The following SWT1 variants were observed in gnomAD, a reference collection of about 807,000 sequenced individuals.
The protein encoded by SWT1 is transcriptional protein SWT1.
In SWT1, 33 loss-of-function variants were observed where a neutral mutation model predicts 107.3. The observed-to-expected ratio is 0.31, with a 90% CI of 0.23 to 0.41. The LOEUF (loss-of-function observed/expected upper bound fraction) is 0.41. Among genes scored for constraint, SWT1 ranks in the 10% least tolerant of loss-of-function variants. The pLI, the probability that SWT1 is intolerant of heterozygous loss-of-function variation, is 1.00. For synonymous variants in SWT1, 345 were observed against 348.3 expected, an observed-to-expected ratio of 0.99 and a Z score of 0.11; for missense variants, 898 against 1,028.9, an observed-to-expected ratio of 0.87 and a Z score of 1.74.
At chr1:185,256,509 T>G (rs1380722573) in intron 16 of SWT1, among the ~76,000 whole-genome samples, 1 of 150,984 alleles carries the variant, frequency 6.6e-6, no homozygotes, top group South Asian at 2.1e-4. Flanking sequence ...TAAACTTGCC[T>G]TCTCGCTTCA....
At chr1:185,170,786 T>C (rs1376611127) in intron 4 of SWT1, among the ~76,000 whole-genome samples, 1 of 152,218 alleles carries the variant, frequency 6.6e-6, no homozygotes, top group African/African-American at 2.4e-5. Flanking sequence ...GCACTGTTTC[T>C]TTCTATAGGA....
At chr1:185,275,935 A>T (rs1173543164) in intron 17 of SWT1, among the ~76,000 whole-genome samples, 1 of 152,214 alleles carries the variant, frequency 6.6e-6, no homozygotes, top group East Asian at 1.9e-4. Flanking sequence ...TAAATTGAAT[A>T]GAAATTAGCC....
At chr1:185,240,779 A>G (rs1661205188) in intron 16 of SWT1, among the ~76,000 whole-genome samples, 1 of 152,126 alleles carries the variant, frequency 6.6e-6, no homozygotes, top group African/African-American at 2.4e-5. Context: ...AAATAATTGC[A>G]GTCATGAAGT....
At chr1:185,267,362 G>T (rs768525153) in intron 16 of SWT1, among the ~76,000 whole-genome samples, 46 of 152,278 alleles carry the variant, frequency 3.0e-4, no homozygotes, top group Non-Finnish European at 6.0e-4. Context: ...CGAATTTAGG[G>T]TGTTAAAGCT....
At chr1:185,192,939 C>T (rs1164020127) in intron 10 of SWT1, among the ~76,000 whole-genome samples, 3 of 152,064 alleles carry the variant, frequency 2.0e-5, no homozygotes, top group East Asian at 1.9e-4. Context: ...TGAGCCACCG[C>T]GCCTGGCCCA....
chr1:185,158,153 T>G (rs1264009068), intron 1 of SWT1, among the ~76,000 whole-genome samples: 5 of 152,194 alleles, frequency 3.3e-5, no homozygotes, highest in Non-Finnish European at 5.9e-5. Flanking sequence ...TTGGTCTATT[T>G]GTTTCCTACT....
In SWT1 at chr1:185,175,916, T is replaced by C. The variant is rs573747959; in HGVS notation, c.966+803T>C. 2.6e-5 allele frequency among the ~76,000 whole-genome samples: 4 copies of C among 152,284 alleles called. No homozygotes were observed. In the East Asian group the frequency reaches 7.7e-4, roughly 29 times the overall value. On this transcript the variant is annotated intron_variant, in intron 5 of 18. Coordinates refer to ENST00000367500, the MANE Select transcript of SWT1 (RefSeq NM_017673.7). ...ATTTCCTTAAATAGGAAAAGTATAA[T>C]ACCTATCACTTAATAAGAGAATACA...
At chr1:185,249,193 G>A (rs373475486) in intron 16 of SWT1, among the ~76,000 whole-genome samples, 4 of 152,152 alleles carry the variant, frequency 2.6e-5, no homozygotes, top group East Asian at 3.9e-4. Context: ...GAGCTTTGTC[G>A]CAGGCTGCAG....
chr1:185,188,621 A>G (rs1032438555), intron 9 of SWT1, among the ~76,000 whole-genome samples: 3 of 152,230 alleles, frequency 2.0e-5, no homozygotes, highest in African/African-American at 7.2e-5. Context: ...TTAGCATGGC[A>G]CAAATTAAAC....
Position 185,168,383 on chromosome 1 carries a change from G to A in SWT1, c.209G>A (p.Arg70Lys). The change falls in exon 4 of 19, where the codon AGA becomes AAA. Residue 70 changes from arginine to lysine, a missense_variant. Transcript: ENST00000367500. ...GTTCTGTACTATAATATAAAAAGAA[G>A]ACAAGGACTGAAAAGGTAAATTTCT... ...TDVLYYNIKRRQGLKRLSVEI... is the reference protein window; with the variant it reads ...TDVLYYNIKRKQGLKRLSVEI... The A allele has an allele frequency of 3.6e-6, 5 of 1,381,148 alleles. No homozygotes were observed. Among genetic ancestry groups the A allele is most frequent in the Non-Finnish European group, 4.9e-6 (5 of 1,028,576 alleles). 85.6% of individuals were successfully genotyped at this position (1,381,148 alleles called of 1,614,324 possible).
At chr1:185,185,337 T>TA (rs1351471682) in intron 9 of SWT1, among the ~76,000 whole-genome samples, 8 of 152,188 alleles carry the variant, frequency 5.3e-5, no homozygotes, top group African/African-American at 1.9e-4. Flanking sequence ...GAATCGGTAA[T>TA]AATGAATGAG....
chr1:185,256,889 GT>G (rs916554330), intron 16 of SWT1, among the ~76,000 whole-genome samples: 2 of 152,114 alleles, frequency 1.3e-5, no homozygotes, highest in Non-Finnish European at 2.9e-5. Context: ...TTTCTGTTCT[GT>G]TTTTTCCCCA....
chr1:185,226,838 G>T, intron 15 of SWT1: 1 of 1,527,160 alleles, frequency 6.5e-7, no homozygotes, highest in African/African-American at 1.4e-5. Context: ...GAGCTCTGAG[G>T]AAGCTTGCCT....
intron 16 of SWT1, among the ~76,000 whole-genome samples, chr1:185,237,282 C>T (rs113272522): frequency 0.023 from 3,541 of 152,178 alleles, 125 homozygotes; most frequent in African/African-American, 0.08. Flanking sequence ...TTCACAATAG[C>T]AAAGACTTGA....
At chr1:185,164,518 C>T (rs1271232683) in intron 2 of SWT1, among the ~76,000 whole-genome samples, 1 of 152,198 alleles carries the variant, frequency 6.6e-6, no homozygotes, top group Non-Finnish European at 1.5e-5. Context: ...GTAGCAACCA[C>T]CTTCATCAAT....
At chr1:185,196,440 C>G (rs1020901435) in intron 10 of SWT1, among the ~76,000 whole-genome samples, 2 of 151,954 alleles carry the variant, frequency 1.3e-5, no homozygotes, top group Non-Finnish European at 2.9e-5. Flanking sequence ...GCTTTGTTCT[C>G]TTTGCTTAGG....
chr1:185,208,695 C>G (rs992119495), intron 13 of SWT1, among the ~76,000 whole-genome samples: 1 of 151,548 alleles, frequency 6.6e-6, no homozygotes, highest in Non-Finnish European at 1.5e-5. Flanking sequence ...TTTAAAGCAC[C>G]TAGTCATTTC....
intron 13 of SWT1, among the ~76,000 whole-genome samples, chr1:185,214,242 A>T (rs1316423538): frequency 6.6e-6 from 1 of 151,962 alleles, no homozygotes; most frequent in Admixed American, 6.6e-5. Flanking sequence ...AATATTCTTT[A>T]ACTTTACTTT....
intron 16 of SWT1, among the ~76,000 whole-genome samples, chr1:185,237,422 A>C (rs1021032122): frequency 1.3e-5 from 2 of 152,174 alleles, no homozygotes; most frequent in East Asian, 3.8e-4. Flanking sequence ...GACTCTGGAA[A>C]CCATCATTCT....
Sources: allele counts gnomAD v4.1 joint callset (sites outside exome capture counted in the v4.1 genomes callset), GRCh38; gene constraint gnomAD v4.1.1; transcripts MANE v1.5; gene names NCBI Gene and HGNC (gene_info 2026-07-23, HGNC 2026-07-21).